FAT3: variants seen among roughly 807,000 people sequenced by gnomAD.
FAT3 encodes the protein FAT atypical cadherin 3.
FAT3 carries 95 observed loss-of-function variants against 310.2 expected under a neutral mutation model. The observed-to-expected ratio is 0.31, with a 90% CI of 0.26 to 0.36. The LOEUF (loss-of-function observed/expected upper bound fraction) is 0.36. Ranked by LOEUF, FAT3 falls within the 10% of genes least tolerant of loss-of-function variation. The pLI, the probability that FAT3 is intolerant of heterozygous loss-of-function variation, is 1.00. For missense variants in FAT3, 5,408 were observed against 5,715.6 expected, an observed-to-expected ratio of 0.95 and a Z score of 1.74; for synonymous variants, 2,314 against 2,192.9, an observed-to-expected ratio of 1.06 and a Z score of -1.54.
chr11:92,635,033 A>G (rs1175398504), intron 3 of FAT3, among the ~76,000 whole-genome samples: 1 of 152,114 alleles, frequency 6.6e-6, no homozygotes, highest in African/African-American at 2.4e-5. Context: ...CCATGCTGAT[A>G]CCTTGATATC....
intron 2 of FAT3, among the ~76,000 whole-genome samples, chr11:92,389,000 C>G (rs556757379): frequency 8.7e-4 from 132 of 152,268 alleles, no homozygotes; most frequent in African/African-American, 3.0e-3. Context: ...CCTATACTCT[C>G]CTGGAACATC....
intron 4 of FAT3, among the ~76,000 whole-genome samples, chr11:92,742,796 CAG>C (rs1945545171): frequency 6.6e-6 from 1 of 152,182 alleles, no homozygotes; most frequent in Non-Finnish European, 1.5e-5. Flanking sequence ...TTCCCAGTCT[CAG>C]ATATTCTGTT....
At chr11:92,530,591 A>G (rs1267964570) in intron 3 of FAT3, among the ~76,000 whole-genome samples, 1 of 120,900 alleles carries the variant, frequency 8.3e-6, no homozygotes, top group Admixed American at 7.4e-5. Flanking sequence ...TGTAGTTAAT[A>G]AAAAACCTGG....
chr11:92,511,306 A>G (rs1031363807), intron 2 of FAT3, among the ~76,000 whole-genome samples: 5 of 152,176 alleles, frequency 3.3e-5, no homozygotes, highest in Non-Finnish European at 7.4e-5. Flanking sequence ...GAAATTGACT[A>G]TAAGCTTATT....
chr11:92,534,431 T>C (rs539282405), intron 3 of FAT3, among the ~76,000 whole-genome samples: 2 of 152,158 alleles, frequency 1.3e-5, no homozygotes, highest in Non-Finnish European at 2.9e-5. Flanking sequence ...GCAAACTAAA[T>C]AAATAATTAA....
chr11:92,355,253 T>C lies in FAT3; in HGVS notation c.3141T>C (p.Ala1047=), dbSNP rs751502928. 1 of 1,613,834 alleles carries C rather than the reference T, an allele frequency of 6.2e-7. No homozygotes were observed. Among genetic ancestry groups the C allele is most frequent in the Admixed American group, 1.7e-5 (1 of 59,938 alleles). The change falls in exon 2 of 28, where the codon GCT becomes GCC. Residue 1047 remains alanine (A), a synonymous_variant. Coordinates refer to ENST00000525166, the MANE Select transcript of FAT3 (RefSeq NM_001367949.2). ...ACACTCCCTATTTCCCAGACTTTGC[T>C]GTTGTTGGATCTGTAAAGGAAAACT... is the stretch of plus-strand genomic sequence containing the variant. ...NLHTPYFPDF[A]VVGSVKENSR...
In FAT3 at chr11:92,493,999, T is replaced by C. The variant is rs1488270179; in HGVS notation, c.3293-30635T>C. Among the ~76,000 whole-genome samples, 3 of 151,526 alleles carry C rather than the reference T, an allele frequency of 2.0e-5. No individual in the cohort carries two copies. In the East Asian group the frequency reaches 5.8e-4, roughly 30 times the overall value. ...ATTCTGTCATTTAACAGCTGTATGA[T>C]CTCATGCAAATTGTGTAAGTTATCT... On this transcript the variant is annotated intron_variant, in intron 2 of 27. Coordinates refer to ENST00000525166, the MANE Select transcript of FAT3 (RefSeq NM_001367949.2).
At chr11:92,321,598 A>C in intron 1 of FAT3, among the ~76,000 whole-genome samples, 1 of 152,172 alleles carries the variant, frequency 6.6e-6, no homozygotes, top group East Asian at 1.9e-4. Flanking sequence ...AAAGAAAAAA[A>C]AATTGGAAAA....
intron 1 of FAT3, among the ~76,000 whole-genome samples, chr11:92,294,452 C>T (rs1371796851): frequency 6.6e-6 from 1 of 151,956 alleles, no homozygotes; most frequent in East Asian, 1.9e-4. Context: ...GCTAAGGAGC[C>T]TAAGCTACAG....
chr11:92,330,693 A>G (rs1947895136), intron 1 of FAT3, among the ~76,000 whole-genome samples: 1 of 152,202 alleles, frequency 6.6e-6, no homozygotes, highest in African/African-American at 2.4e-5. Flanking sequence ...ATGGACAAAA[A>G]TATGCAAATA....
intron 2 of FAT3, among the ~76,000 whole-genome samples, chr11:92,485,780 C>T (rs1952363050): frequency 6.6e-6 from 1 of 152,148 alleles, no homozygotes; most frequent in African/African-American, 2.4e-5. Flanking sequence ...AAGAATGAAA[C>T]ACCAGCTTTT....
intron 3 of FAT3, among the ~76,000 whole-genome samples, chr11:92,628,632 T>A (rs547485003): frequency 6.6e-6 from 1 of 152,360 alleles, no homozygotes; most frequent in South Asian, 2.1e-4. Flanking sequence ...CTATGTCTAT[T>A]ATCTGTGTTT....
chr11:92,666,353 A>ATT (rs35495410), intron 3 of FAT3, among the ~76,000 whole-genome samples: 2,121 of 140,230 alleles, frequency 0.015, 55 homozygotes, highest in African/African-American at 0.048. Context: ...AATTTGAAGG[A>ATT]TTTTTTTTTT....
chr11:92,630,063 A>G (rs1165504072), intron 3 of FAT3, among the ~76,000 whole-genome samples: 2 of 152,078 alleles, frequency 1.3e-5, no homozygotes, highest in African/African-American at 4.8e-5. Flanking sequence ...TTAATCACTC[A>G]TCAGTCCTTC....
intron 2 of FAT3, among the ~76,000 whole-genome samples, chr11:92,418,114 A>G (rs915465739): frequency 6.6e-6 from 1 of 152,204 alleles, no homozygotes; most frequent in South Asian, 2.1e-4. Context: ...TTTTGTATGT[A>G]GATTATCTAA....
intron 1 of FAT3, among the ~76,000 whole-genome samples, chr11:92,244,237 A>G (rs192755144): frequency 1.6e-4 from 25 of 152,224 alleles, no homozygotes; most frequent in Non-Finnish European, 1.5e-5. Context: ...CCCTGGCTGA[A>G]CTTTGTGCTT....
chr11:92,384,695 G>A (rs1949578416), intron 2 of FAT3, among the ~76,000 whole-genome samples: 1 of 152,160 alleles, frequency 6.6e-6, no homozygotes, highest in East Asian at 1.9e-4. Flanking sequence ...AAAAAAGTGG[G>A]AGAAGCAAAT....
chr11:92,643,335 G>A (rs1313532862), intron 3 of FAT3, among the ~76,000 whole-genome samples: 7 of 152,192 alleles, frequency 4.6e-5, no homozygotes, highest in East Asian at 3.9e-4. Context: ...CAGCCCTGCA[G>A]TGAGCTGCCC....
chr11:92,679,056 A>T (rs1943383502), intron 3 of FAT3, among the ~76,000 whole-genome samples: 2 of 152,150 alleles, frequency 1.3e-5, no homozygotes. Flanking sequence ...GTGATATTTG[A>T]CATTCTTTGG....
Sources: gnomAD v4.1 joint callset for allele counts (sites outside exome capture counted in the v4.1 genomes callset) on GRCh38, gnomAD v4.1.1 for gene constraint, MANE v1.5 for transcripts, NCBI Gene and HGNC (gene_info 2026-07-23, HGNC 2026-07-21) for gene names.